APCDD1: variants seen among roughly 807,000 people sequenced by gnomAD.
APCDD1 encodes APC down-regulated 1.
Under a neutral mutation model 38.1 loss-of-function variants are expected in APCDD1, and 15 were observed. The observed-to-expected ratio is 0.39, with a 90% CI of 0.26 to 0.61. The LOEUF is 0.61. Ranked by LOEUF, APCDD1 falls within the 20% of genes least tolerant of loss-of-function variation. The pLI, the probability that APCDD1 is intolerant of heterozygous loss-of-function variation, is 0.49. For missense variants in APCDD1, 647 were observed against 696.2 expected (o/e 0.93, Z 0.79); for synonymous variants, 261 against 279.7 (o/e 0.93, Z 0.67).
chr18:10,462,743 A>C (rs1264773567), intron 1 of APCDD1, among the ~76,000 whole-genome samples: 1 of 145,770 alleles, frequency 6.9e-6, no homozygotes, highest in South Asian at 2.2e-4. Flanking sequence ...CACAAGATGC[A>C]AGAGATGGTC....
rs78433141 is a variant in APCDD1 at position 10,475,575 on chromosome 18, C to T, written c.774+3514C>T. 1.3e-4 allele frequency among the ~76,000 whole-genome samples: 19 copies of T among 151,914 alleles called. No homozygotes were observed. The highest frequency in any genetic ancestry group is 7.4e-5 in the Non-Finnish European group (5 of 67,982). ...GACAGAGTTGTCTATCTGGGATTGTCGGACAGAGACTTCACTTTTGGTACC... is the reference window on the plus strand; with the variant it reads ...GACAGAGTTGTCTATCTGGGATTGTTGGACAGAGACTTCACTTTTGGTACC... On this transcript the variant is annotated intron_variant, in intron 3 of 4. Coordinates refer to ENST00000355285, the MANE Select transcript of APCDD1 (RefSeq NM_153000.5). The surrounding 1 kb of genome is among the most constrained non-coding windows in gnomAD (Gnocchi z 4.0).
Position 10,488,302 on chromosome 18 carries a change from G to A in APCDD1, c.*264G>A, listed in dbSNP as rs1258573320. 2.1e-6 allele frequency: 1 copy of A among 472,862 alleles called. No homozygotes were observed. Among genetic ancestry groups the A allele is most frequent in the South Asian group, 3.0e-5 (1 of 33,066 alleles). 29.3% of individuals were successfully genotyped at this position (472,862 alleles called of 1,614,324 possible). A position where few individuals can be genotyped will look rare whatever the true frequency, so the allele number is the denominator to read the frequency against. The stretch of plus-strand genomic sequence containing the variant: ...CACTTTAAGACAGCCTAGAGTTCTG[G>A]ACGAGCGTGTTTGGTAGCAGGGATG... On this transcript the variant is annotated 3_prime_UTR_variant, in exon 5 of 5. Transcript: ENST00000355285.
rs1203138888 is a variant in APCDD1, at chr18:10,485,843, G to A, written c.1096+60G>A. ...CAATAAACAGCCCTGTGACATTTTT[G>A]TGGAGGCAGAGCTGAGGGAAAGGAC... On this transcript the variant is annotated intron_variant, in intron 4 of 4. Transcript: ENST00000355285. The surrounding 1 kb of genome is among the most constrained non-coding windows in gnomAD (Gnocchi z 5.8). 4.5e-6 allele frequency: 7 copies of A among 1,572,240 alleles called. No individual in the cohort carries two copies. In the East Asian group the frequency reaches 6.8e-5, roughly 15 times the overall value.
At chr18:10,480,377 G>T (rs551358753) in intron 3 of APCDD1, among the ~76,000 whole-genome samples, 1 of 152,258 alleles carries the variant, frequency 6.6e-6, no homozygotes, top group African/African-American at 2.4e-5. Context: ...CAATATACAG[G>T]CTTTAATTTC....
chr18:10,473,612 A>G (rs1317372419), intron 3 of APCDD1, among the ~76,000 whole-genome samples: 1 of 152,218 alleles, frequency 6.6e-6, no homozygotes, highest in Non-Finnish European at 1.5e-5. Flanking sequence ...CTGCCCTTCA[A>G]CATGTTGATT....
chr18:10,470,193 G>C lies in APCDD1; in HGVS notation c.243-1337G>C, dbSNP rs954231203. On this transcript the variant is annotated intron_variant, in intron 2 of 4. Coordinates refer to ENST00000355285, the MANE Select transcript of APCDD1 (RefSeq NM_153000.5). This position sits in a 1 kb window ranked among gnomAD's most constrained non-coding sequence, Gnocchi z 4.1. ...TGAGTGGGCCTGAGATCCACTGTAC[G>C]TGGCAGGCAGAATCAACAGACTGTT... Among the ~76,000 whole-genome samples, 1 of 152,182 alleles carries C rather than the reference G, an allele frequency of 6.6e-6. No homozygotes were observed. The highest frequency in any genetic ancestry group is 1.5e-5 in the Non-Finnish European group (1 of 68,032).
At position 10,468,503 on chromosome 18, in the gene APCDD1, C is replaced by T. The variant is rs2030770956; in HGVS notation, c.93C>T (p.Asp31=). The T allele has an allele frequency of 2.5e-6, 4 of 1,614,078 alleles. No individual in the cohort carries two copies. The highest frequency in any genetic ancestry group is 2.7e-5 in the African/African-American group (2 of 74,930). Reference sequence around the variant, plus strand: ...AGGGTTCTGCCCTCCTTCATCCAGACAGCAGGTCTCATCCTAGGTCCTTAG... The same window carrying T: ...AGGGTTCTGCCCTCCTTCATCCAGATAGCAGGTCTCATCCTAGGTCCTTAG... ...LGEGSALLHP[D]SRSHPRSLEK... is the part of the protein sequence containing the mutation. The change falls in exon 2 of 5, where the codon GAC becomes GAT. Residue 31 remains aspartate (D), a synonymous_variant. Coordinates refer to ENST00000355285, the MANE Select transcript of APCDD1 (RefSeq NM_153000.5).
At chr18:10,457,304 T>C (rs1037938308) in intron 1 of APCDD1, among the ~76,000 whole-genome samples, 12 of 152,214 alleles carry the variant, frequency 7.9e-5, no homozygotes, top group African/African-American at 2.9e-4. Context: ...ATCTACTTGA[T>C]TGAAGTACTT....
chr18:10,484,921 T>C (rs1055513912), intron 3 of APCDD1, among the ~76,000 whole-genome samples: 2 of 152,246 alleles, frequency 1.3e-5, no homozygotes, highest in Admixed American at 1.3e-4. Flanking sequence ...CTTTCAACTC[T>C]TTTGGGTACA....
Position 10,471,767 on chromosome 18 carries a change from C to T in APCDD1, c.480C>T (p.Ala160=), listed in dbSNP as rs3748414. 196,070 of 1,612,846 alleles carry T rather than the reference C, an allele frequency of 0.12. 12,451 individuals carry two copies. Among genetic ancestry groups the T allele is most frequent in the Middle Eastern group, 0.17 (1,036 of 6,060 alleles). The part of the protein sequence containing the change: ...VQVICHTEAV[A]EKLGQQVNRT... ...TGATCTGCCACACAGAGGCGGTGGC[C>T]GAGAAGCTCGGCCAGCAGGTGAACC... The change falls in exon 3 of 5, where the codon GCC becomes GCT. Residue 160 remains alanine (A), a synonymous_variant. Transcript: ENST00000355285. The surrounding 1 kb of genome is among the most constrained non-coding windows in gnomAD (Gnocchi z 5.5).
intron 3 of APCDD1, among the ~76,000 whole-genome samples, chr18:10,478,857 T>C (rs79811072): frequency 0.1 from 15,750 of 152,124 alleles, 899 homozygotes; most frequent in Middle Eastern, 0.16. Flanking sequence ...GAGCCCCAAT[T>C]CACAAGCTCC....
intron 1 of APCDD1, among the ~76,000 whole-genome samples, chr18:10,462,201 T>A (rs138710797): frequency 0.019 from 2,873 of 152,318 alleles, 47 homozygotes; most frequent in Middle Eastern, 0.054. Flanking sequence ...AATAAGCACA[T>A]TTATTATTAT....
chr18:10,488,294 G>A lies in APCDD1; in HGVS notation c.*256G>A. 1 of 530,870 alleles carries A rather than the reference G, an allele frequency of 1.9e-6. No homozygotes were observed. Among genetic ancestry groups the A allele is most frequent in the South Asian group, 2.3e-5 (1 of 43,510 alleles). The allele number at this position is 530,870 out of a possible 1,614,324, so 32.9% of individuals were successfully genotyped here. ...AGTAATTGCACTTTAAGACAGCCTAGAGTTCTGGACGAGCGTGTTTGGTAG... is the reference window on the plus strand; with the variant it reads ...AGTAATTGCACTTTAAGACAGCCTAAAGTTCTGGACGAGCGTGTTTGGTAG... On this transcript the variant is annotated 3_prime_UTR_variant, in exon 5 of 5. Coordinates refer to ENST00000355285, the MANE Select transcript of APCDD1 (RefSeq NM_153000.5).
chr18:10,485,402 G>T lies in APCDD1; in HGVS notation c.775-60G>T. 13 of 1,587,978 alleles carry T rather than the reference G, an allele frequency of 8.2e-6. No individual in the cohort carries two copies. The highest frequency in any genetic ancestry group is 9.5e-6 in the Non-Finnish European group (11 of 1,162,336). ...GTGAGACCCCATTTGCCGGAAGCAT[G>T]TGTGCACTGCTCCCTTGGGAAGATA... is the stretch of plus-strand genomic sequence containing the variant. On this transcript the variant is annotated intron_variant, in intron 3 of 4. Coordinates refer to ENST00000355285, the MANE Select transcript of APCDD1 (RefSeq NM_153000.5). The surrounding 1 kb of genome is among the most constrained non-coding windows in gnomAD (Gnocchi z 5.8).
At chr18:10,478,043 T>C (rs1376976725) in intron 3 of APCDD1, among the ~76,000 whole-genome samples, 3 of 152,148 alleles carry the variant, frequency 2.0e-5, no homozygotes, top group Non-Finnish European at 4.4e-5. Context: ...TGGAAGTCCA[T>C]TTCCAGAAGG....
At chr18:10,474,917 G>A (rs186182512) in intron 3 of APCDD1, among the ~76,000 whole-genome samples, 85 of 152,326 alleles carry the variant, frequency 5.6e-4, no homozygotes, top group African/African-American at 1.9e-3. Flanking sequence ...ACACCTTTTG[G>A]ACAAATTGGC....
intron 1 of APCDD1, 123 bp from the exon 2 acceptor site, chr18:10,468,346 C>A: frequency 9.4e-7 from 1 of 1,058,614 alleles, no homozygotes; most frequent in South Asian, 1.3e-5. Context: ...TGTGATGACA[C>A]CTTGTAGAAT....
At chr18:10,468,923 A>G (rs1025138402) in intron 2 of APCDD1, among the ~76,000 whole-genome samples, 3 of 152,262 alleles carry the variant, frequency 2.0e-5, no homozygotes, top group Non-Finnish European at 2.9e-5. Context: ...ACTGAACTCT[A>G]TGGGACCACT....
intron 3 of APCDD1, among the ~76,000 whole-genome samples, chr18:10,482,937 A>G (rs1360459708): frequency 1.3e-5 from 2 of 152,236 alleles, no homozygotes; most frequent in African/African-American, 2.4e-5. Flanking sequence ...TCTTCACCTT[A>G]AGGTGCATTT....
Sources: allele counts gnomAD v4.1 joint callset (sites outside exome capture counted in the v4.1 genomes callset), GRCh38; gene constraint gnomAD v4.1.1; non-coding constraint Gnocchi (gnomAD v3.1); transcripts MANE v1.5; gene names NCBI Gene and HGNC (gene_info 2026-07-23, HGNC 2026-07-21).